The following MMRN1 variants were observed in gnomAD, a reference collection of about 807,000 sequenced individuals.
MMRN1 encodes multimerin-1.
In MMRN1, 94 loss-of-function variants were observed where a neutral mutation model predicts 100.7. The observed-to-expected ratio is 0.93, with a 90% CI of 0.79 to 1.11. The LOEUF is 1.11. MMRN1 is among the 50% of genes least tolerant of loss of function. The pLI is 0.00. For missense variants in MMRN1, 1,606 were observed against 1,439.1 expected, an observed-to-expected ratio of 1.12 and a Z score of -1.88; for synonymous variants, 575 against 505.0, an observed-to-expected ratio of 1.14 and a Z score of -1.86.
chr4:89,885,534 C>A (rs556631425), intron 1 of MMRN1, among the ~76,000 whole-genome samples: 1 of 151,996 alleles, frequency 6.6e-6, no homozygotes, highest in African/African-American at 2.4e-5. Context: ...AATTTACTAG[C>A]GAAGCCATTT....
chr4:89,889,564 T>A (rs1359587082), intron 1 of MMRN1, among the ~76,000 whole-genome samples: 1 of 152,142 alleles, frequency 6.6e-6, no homozygotes, highest in Non-Finnish European at 1.5e-5. Flanking sequence ...CACCTCATAC[T>A]CTTGATATTA....
intron 3 of MMRN1, among the ~76,000 whole-genome samples, chr4:89,918,141 A>G (rs964630237): frequency 6.6e-6 from 1 of 151,048 alleles, no homozygotes. Context: ...TAGTATATAT[A>G]CATCTATATA....
intron 3 of MMRN1, 30 bp from the exon 4 acceptor site, chr4:89,923,138 T>A: frequency 1.3e-6 from 2 of 1,581,096 alleles, no homozygotes; most frequent in Non-Finnish European, 1.7e-6. Context: ...AGTGCTTAAC[T>A]GTCTCTCTTC....
chr4:89,939,866 C>A (rs779403230), intron 6 of MMRN1, among the ~76,000 whole-genome samples: 6 of 152,138 alleles, frequency 3.9e-5, no homozygotes, highest in Non-Finnish European at 7.4e-5. Context: ...AGAGGTGCTA[C>A]TTTTCAGTTT....
At chr4:89,893,762 T>C (rs1721107206), upstream of MMRN1, among the ~76,000 whole-genome samples, 1 of 151,798 alleles carries the variant, frequency 6.6e-6, no homozygotes, top group Non-Finnish European at 1.5e-5. Flanking sequence ...TGAGGGGTTA[T>C]GTAACTACTG....
chr4:89,885,783 T>C (rs1280552040), intron 1 of MMRN1, among the ~76,000 whole-genome samples: 1 of 152,074 alleles, frequency 6.6e-6, no homozygotes, highest in African/African-American at 2.4e-5. Context: ...CGCTTGTTTT[T>C]CTTGATTAGT....
intron 2 of MMRN1, among the ~76,000 whole-genome samples, chr4:89,910,062 G>A (rs1438876276): frequency 6.6e-6 from 1 of 151,418 alleles, no homozygotes; most frequent in Non-Finnish European, 1.5e-5. Context: ...AGGCCATGAT[G>A]GCTAATGTTA....
At chr4:89,890,193 G>C (rs1294320100), upstream of MMRN1, among the ~76,000 whole-genome samples, 1 of 150,926 alleles carries the variant, frequency 6.6e-6, no homozygotes, top group Non-Finnish European at 1.5e-5. Flanking sequence ...CTCCCTTCAG[G>C]CTTTGCTGGC....
chr4:89,922,086 T>C (rs1209073742), intron 3 of MMRN1, among the ~76,000 whole-genome samples: 1 of 152,080 alleles, frequency 6.6e-6, no homozygotes. Context: ...TTTTATTTAT[T>C]TTTATTTTAA....
intron 1 of MMRN1, among the ~76,000 whole-genome samples, chr4:89,907,519 AT>A (rs1451214486): frequency 6.6e-6 from 1 of 151,252 alleles, no homozygotes; most frequent in Non-Finnish European, 1.5e-5. Context: ...ATGAGGGTTG[AT>A]TTTTTTAAAA....
intron 3 of MMRN1, among the ~76,000 whole-genome samples, chr4:89,920,611 C>A (rs993830623): frequency 6.6e-5 from 10 of 152,038 alleles, no homozygotes; most frequent in African/African-American, 2.4e-4. Flanking sequence ...CTTCAACACA[C>A]ACCTTTGTTA....
intron 6 of MMRN1, among the ~76,000 whole-genome samples, chr4:89,948,120 A>G (rs1050195617): frequency 3.3e-5 from 5 of 152,116 alleles, no homozygotes; most frequent in Non-Finnish European, 5.9e-5. Flanking sequence ...CCAAAGTGCT[A>G]GGATTACAGG....
intron 4 of MMRN1, 65 bp downstream of exon 4, chr4:89,923,337 C>A: frequency 7.2e-7 from 1 of 1,392,100 alleles, no homozygotes; most frequent in Non-Finnish European, 1.0e-6. Flanking sequence ...TTACAACTTC[C>A]AAGCAAGAAA....
intron 1 of MMRN1, among the ~76,000 whole-genome samples, chr4:89,906,544 A>C (rs577421975): frequency 6.6e-6 from 1 of 151,582 alleles, no homozygotes; most frequent in Non-Finnish European, 1.5e-5. Context: ...CACCATAATC[A>C]GTCTAGAAAG....
At chr4:89,899,812 A>G (rs1422051387) in intron 1 of MMRN1, among the ~76,000 whole-genome samples, 1 of 151,754 alleles carries the variant, frequency 6.6e-6, no homozygotes, top group Non-Finnish European at 1.5e-5. Flanking sequence ...ATACATCCCA[A>G]ATACCTCAAC....
At chr4:89,948,832 T>G (rs1264013673) in intron 6 of MMRN1, among the ~76,000 whole-genome samples, 1 of 152,194 alleles carries the variant, frequency 6.6e-6, no homozygotes, top group African/African-American at 2.4e-5. Flanking sequence ...GACAAGTGGC[T>G]GAGGCATCCT....
intron 1 of MMRN1, among the ~76,000 whole-genome samples, chr4:89,883,931 C>A (rs1246935864): frequency 6.6e-6 from 1 of 151,940 alleles, no homozygotes; most frequent in Non-Finnish European, 1.5e-5. Context: ...GGAGTGGGTT[C>A]AAGGTAAAGG....
intron 1 of MMRN1, among the ~76,000 whole-genome samples, chr4:89,900,002 G>A (rs1450541836): frequency 6.6e-6 from 1 of 151,840 alleles, no homozygotes; most frequent in African/African-American, 2.4e-5. Context: ...CATTATTTTA[G>A]GTACTAATCA....
intron 6 of MMRN1, among the ~76,000 whole-genome samples, chr4:89,938,539 A>G (rs905678777): frequency 1.2e-4 from 18 of 146,512 alleles, no homozygotes; most frequent in African/African-American, 4.5e-4. Flanking sequence ...CTATTTTCAT[A>G]GTAAGTATAA....
Sources: gnomAD v4.1 joint callset for allele counts (sites outside exome capture counted in the v4.1 genomes callset) on GRCh38, gnomAD v4.1.1 for gene constraint, MANE v1.5 for transcripts, NCBI Gene and HGNC (gene_info 2026-07-23, HGNC 2026-07-21) for gene names.